PALB2: variants seen among roughly 807,000 people sequenced by gnomAD.
PALB2 encodes the protein partner and localizer of BRCA2.
A neutral mutation model predicts 107.4 loss-of-function variants in PALB2; 82 were observed. That is an observed-to-expected ratio of 0.76 (90% CI 0.64 to 0.92). The LOEUF is 0.92. Ranked by LOEUF, PALB2 falls within the 40% of genes least tolerant of loss-of-function variation. PALB2 has a pLI of 0.00. For missense variants in PALB2, 1,374 were observed against 1,379.9 expected (o/e 1.00, Z 0.07); for synonymous variants, 489 against 496.8 (o/e 0.98, Z 0.21).
At chr16:23,620,166 G>A (rs181222977) in intron 10 of PALB2, among the ~76,000 whole-genome samples, 194 of 152,264 alleles carry the variant, frequency 1.3e-3, no homozygotes, top group African/African-American at 4.5e-3. Context: ...ACTGAAATTC[G>A]TTCTTTCAGT....
chr16:23,603,820 G>C (rs866775971), intron 12 of PALB2, 151 bp from the exon 13 acceptor site: 2 of 701,408 alleles, frequency 2.9e-6, no homozygotes, highest in Non-Finnish European at 4.8e-6. Flanking sequence ...TTAGAGGTCT[G>C]TTGGCTATTG....
rs758500775 is a variant in PALB2 at position 23,635,455 on chromosome 16, C to T, written c.1091G>A (p.Gly364Asp). 6.2e-7 allele frequency: 1 copy of T among 1,614,040 alleles called. No individual in the cohort carries two copies. Among genetic ancestry groups the T allele is most frequent in the South Asian group, 1.1e-5 (1 of 91,078 alleles). ...ACTTTCCTGAAGATTTTCATTCCTG[C>T]CATCAAGAGTGTCACTGGGAGATTT... ...SLKSPSDTLDGRNENLQESEI... is the reference protein window; with the variant it reads ...SLKSPSDTLDDRNENLQESEI... The change falls in exon 4 of 13, where the codon GGC becomes GAC. Residue 364 changes from glycine (G) to aspartate (D), a missense_variant. Transcript: ENST00000261584.
In PALB2 at chr16:23,603,312, A is replaced by AATAAAATAT; in HGVS notation, c.*146_*147insATATTTTAT. On this transcript the variant is annotated 3_prime_UTR_variant, in exon 13 of 13. Coordinates refer to ENST00000261584, the MANE Select transcript of PALB2 (RefSeq NM_024675.4). Reference sequence around the variant, plus strand: ...TACATCCAAGATCAGTGGTGCTACCATCATTAGAATAAAAAATAAGTCTGT... The same window carrying AATAAAATAT: ...TACATCCAAGATCAGTGGTGCTACCAATAAAATATTCATTAGAATAAAAAATAAGTCTGT... The AATAAAATAT allele has an allele frequency of 1.5e-6, 1 of 673,180 alleles. No homozygotes were observed. Among genetic ancestry groups the AATAAAATAT allele is most frequent in the Non-Finnish European group, 2.6e-6 (1 of 386,066 alleles). 41.7% of individuals were successfully genotyped at this position (673,180 alleles called of 1,614,324 possible).
intron 4 of PALB2, among the ~76,000 whole-genome samples, chr16:23,633,527 T>C (rs368764635): frequency 4.7e-4 from 72 of 152,354 alleles, no homozygotes; most frequent in Middle Eastern, 3.4e-3. Flanking sequence ...TCAGATATGA[T>C]TAAATTCTCA....
intron 6 of PALB2, among the ~76,000 whole-genome samples, chr16:23,626,794 G>A (rs1448124885): frequency 6.6e-6 from 1 of 151,814 alleles, no homozygotes; most frequent in African/African-American, 2.4e-5. Flanking sequence ...GCTAATTTTT[G>A]TATTTTTAGT....
At chr16:23,637,748 A>G in intron 3 of PALB2, 102 bp downstream of exon 3, 1 of 849,320 alleles carries the variant, frequency 1.2e-6, no homozygotes, top group Non-Finnish European at 2.0e-6. Context: ...TAAAGCGTCT[A>G]TTGCTAGTCA....
Position 23,629,800 on chromosome 16 carries a change from G to A in PALB2, c.2354C>T (p.Pro785Leu), listed in dbSNP as rs2142374883. 6.2e-7 allele frequency: 1 copy of A among 1,614,188 alleles called. No homozygotes were observed. ...QFDSSGSPAK[P>L]HTTLQVSGRQ... ...GCCTGACACTTGCAGGGTGGTATGT[G>A]GTTTTGCTGGGCTGCCTGAACTGTC... The change falls in exon 5 of 13, where the codon CCA becomes CTA. Residue 785 changes from proline (P) to leucine (L), a missense_variant. Pro to Leu is a moderately conservative substitution (Grantham distance 98, BLOSUM62 -3). Transcript: ENST00000261584.
At chr16:23,626,488 T>C in intron 6 of PALB2, 91 bp from the exon 7 acceptor site, 31 of 1,466,482 alleles carry the variant, frequency 2.1e-5, no homozygotes, top group Non-Finnish European at 3.0e-5. Context: ...TATAATTCAA[T>C]GAAACAGTAG....
rs746346966 is a variant in PALB2, at chr16:23,607,866, G to A, written c.3348C>T (p.Gly1116=). The change falls in exon 12 of 13, where the codon GGC becomes GGT. Residue 1116 remains glycine (G), a splice_region_variant and synonymous_variant. Coordinates refer to ENST00000261584, the MANE Select transcript of PALB2 (RefSeq NM_024675.4). ...MLYCLPPGQA[G]RFLEGDVKDH... The stretch of plus-strand genomic sequence containing the variant: ...GAGTAGCAGTTATGCACACTTGCCT[G>A]CCAGCCTGCCCTGGAGGAAGACAGT... The A allele has an allele frequency of 6.2e-7, 1 of 1,613,818 alleles. No homozygotes were observed. The highest frequency in any genetic ancestry group is 8.5e-7 in the Non-Finnish European group (1 of 1,179,938).
chr16:23,604,046 G>GAT (rs1966416042), intron 12 of PALB2, among the ~76,000 whole-genome samples: 2 of 152,142 alleles, frequency 1.3e-5, no homozygotes, highest in Non-Finnish European at 2.9e-5. Flanking sequence ...TCATCATTCA[G>GAT]GCCTGTTATG....
chr16:23,603,784 A>G (rs188943313), intron 12 of PALB2, 115 bp from the exon 13 acceptor site: 2 of 880,920 alleles, frequency 2.3e-6, no homozygotes, highest in Non-Finnish European at 3.6e-6. Flanking sequence ...AAATCCCTGT[A>G]ACTATGAATG....
At chr16:23,632,777 T>C (rs1966893637) in intron 4 of PALB2, among the ~76,000 whole-genome samples, 1 of 152,162 alleles carries the variant, frequency 6.6e-6, no homozygotes, top group South Asian at 2.1e-4. Context: ...GTAGCTGCAG[T>C]TTACTACAAT....
intron 6 of PALB2, 48 bp downstream of exon 6, chr16:23,629,156 G>C (rs1219960367): frequency 3.5e-6 from 5 of 1,443,078 alleles, no homozygotes; most frequent in Non-Finnish European, 4.9e-6. Flanking sequence ...GTTCATTAAA[G>C]TTTTCATATG....
Position 23,635,379 on chromosome 16 carries a change from A to G in PALB2, c.1167T>C (p.Leu389=), listed in dbSNP as rs2142423985. 2 of 1,614,038 alleles carry G rather than the reference A, an allele frequency of 1.2e-6. No homozygotes were observed. Among genetic ancestry groups the G allele is most frequent in the Non-Finnish European group, 1.7e-6 (2 of 1,180,018 alleles). ...CTGTGCAAGAATGTTTTTCTGCAGA[A>G]AGAGGAGAGGTTGCTTCCAGGCTAA... ...KSLSLEATSP[L]SAEKHSCTVP... The change falls in exon 4 of 13, where the codon CTT becomes CTC. Residue 389 remains leucine, a synonymous_variant. Transcript: ENST00000261584.
intron 12 of PALB2, among the ~76,000 whole-genome samples, chr16:23,606,372 T>C (rs1966475132): frequency 6.6e-6 from 1 of 151,306 alleles, no homozygotes; most frequent in African/African-American, 2.4e-5. Flanking sequence ...GCCACTGCAC[T>C]CCAGCCTGGG....
chr16:23,641,116 C>T lies in PALB2; in HGVS notation c.42G>A (p.Lys14=), dbSNP rs1555462505. The T allele has an allele frequency of 6.2e-7, 1 of 1,613,548 alleles. No individual in the cohort carries two copies. The change falls in exon 1 of 13, where the codon AAG becomes AAA. Residue 14 remains lysine, a synonymous_variant. Coordinates refer to ENST00000261584, the MANE Select transcript of PALB2 (RefSeq NM_024675.4). ...PPGKPLSCEE[K]EKLKEKLAFL... ...CTTCCCGCACCCCCGGCACCTTTTC[C>T]TTCTCCTCACAGCTGAGGGGCTTCC...
chr16:23,607,087 C>T (rs146085500), intron 12 of PALB2, among the ~76,000 whole-genome samples: 2 of 152,144 alleles, frequency 1.3e-5, no homozygotes, highest in African/African-American at 2.4e-5. Flanking sequence ...GGATTATAGG[C>T]GTGAGCCACT....
Position 23,638,088 on chromosome 16 carries a change from C to T in PALB2, c.90G>A (p.Lys30=), listed in dbSNP as rs515726130. 3 of 1,613,896 alleles carry T rather than the reference C, an allele frequency of 1.9e-6. No homozygotes were observed. The African/African-American group carries it at 4.0e-5, about 22-fold the overall frequency. Residue 30 remains lysine (K), a synonymous_variant, in exon 2 of 13, where the codon AAG becomes AAA. Transcript: ENST00000261584. The part of the protein sequence containing the change: ...KLAFLKREYS[K]TLARLQRAQR... ...CACTTACCTGAAGGCGGGCTAGTGT[C>T]TTGCTGTATTCCCTTTTCAAGAATG... is the stretch of plus-strand genomic sequence containing the variant.
At chr16:23,615,815 C>CCACCA (rs1966675126) in intron 10 of PALB2, among the ~76,000 whole-genome samples, 1 of 152,040 alleles carries the variant, frequency 6.6e-6, no homozygotes, top group Non-Finnish European at 1.5e-5. Flanking sequence ...CAGGCAGGCG[C>CCACCA]CACCACACCC....
Sources: gnomAD v4.1 joint callset for allele counts (sites outside exome capture counted in the v4.1 genomes callset) on GRCh38, gnomAD v4.1.1 for gene constraint, MANE v1.5 for transcripts, NCBI Gene and HGNC (gene_info 2026-07-23, HGNC 2026-07-21) for gene names.